Variants in LARGE1 observed in about 807,000 individuals in gnomAD.
LARGE1 encodes the protein xylosyl- and glucuronyltransferase LARGE1.
LARGE1 carries 43 observed loss-of-function variants against 87.6 expected under a neutral mutation model. The observed-to-expected ratio is 0.49, with a 90% CI of 0.38 to 0.63. The LOEUF is 0.63. Ranked by LOEUF, LARGE1 falls within the 30% of genes least tolerant of loss-of-function variation. LARGE1 has a pLI of 0.00. For synonymous variants in LARGE1, 434 were observed against 394.6 expected (o/e 1.10, Z -1.18); for missense variants, 802 against 1,000.2 (o/e 0.80, Z 2.67).
At chr22:33,333,041 CTG>C (rs1199029259) in intron 10 of LARGE1, among the ~76,000 whole-genome samples, 5 of 130,520 alleles carry the variant, frequency 3.8e-5, no homozygotes, top group Non-Finnish European at 7.5e-5. Context: ...GAGTCTCACT[CTG>C]TCACCCAGGC....
At chr22:33,461,950 T>C (rs1398410311) in intron 6 of LARGE1, among the ~76,000 whole-genome samples, 1 of 152,182 alleles carries the variant, frequency 6.6e-6, no homozygotes, top group African/African-American at 2.4e-5. Context: ...TACAGCTGCA[T>C]GAGAGATCCC....
chr22:33,910,161 T>A (rs1411244708), intron 1 of LARGE1, among the ~76,000 whole-genome samples: 1 of 152,156 alleles, frequency 6.6e-6, no homozygotes, highest in Non-Finnish European at 1.5e-5. Context: ...TATGACACAT[T>A]TTTTGCAAGC....
chr22:33,510,986 A>T (rs1312986756), intron 6 of LARGE1, among the ~76,000 whole-genome samples: 1 of 152,152 alleles, frequency 6.6e-6, no homozygotes, highest in Non-Finnish European at 1.5e-5. Flanking sequence ...CATATATACA[A>T]ATGAACCCAA....
chr22:33,264,886 A>ACTCT, intron 11 of LARGE1, among the ~76,000 whole-genome samples: 1 of 98,668 alleles, frequency 1.0e-5, no homozygotes, highest in Non-Finnish European at 2.2e-5. Flanking sequence ...ATCTGATCAA[A>ACTCT]TTCTTTTTTT....
intron 2 of LARGE1, among the ~76,000 whole-genome samples, chr22:33,757,452 G>A (rs2084559911): frequency 6.6e-6 from 1 of 152,102 alleles, no homozygotes; most frequent in Non-Finnish European, 1.5e-5. Flanking sequence ...AAGAAACGAA[G>A]GCCTACCATG....
chr22:33,543,489 A>G (rs2077269410), intron 6 of LARGE1, among the ~76,000 whole-genome samples: 1 of 152,234 alleles, frequency 6.6e-6, no homozygotes, highest in South Asian at 2.1e-4. Flanking sequence ...ATGCTAGGCT[A>G]TGGGGGTAAA....
chr22:33,659,344 G>T (rs2081057240), intron 2 of LARGE1, among the ~76,000 whole-genome samples: 1 of 152,216 alleles, frequency 6.6e-6, no homozygotes, highest in East Asian at 1.9e-4. Flanking sequence ...ATATTTCAAA[G>T]TAAATTAAAT....
At chr22:33,682,997 A>G (rs1357979863) in intron 2 of LARGE1, among the ~76,000 whole-genome samples, 1 of 152,244 alleles carries the variant, frequency 6.6e-6, no homozygotes, top group East Asian at 1.9e-4. Flanking sequence ...GATAATGGGT[A>G]ACATATACTG....
intron 7 of LARGE1, among the ~76,000 whole-genome samples, chr22:33,412,806 A>G (rs2066353942): frequency 1.3e-5 from 2 of 152,146 alleles, no homozygotes; most frequent in South Asian, 4.1e-4. Flanking sequence ...GACTACAGGC[A>G]TGTGACCCCA....
intron 6 of LARGE1, among the ~76,000 whole-genome samples, chr22:33,456,979 G>A (rs532464506): frequency 2.0e-5 from 3 of 152,198 alleles, no homozygotes; most frequent in Admixed American, 6.5e-5. Context: ...ACTTCGCAGA[G>A]AAGGGCAAAG....
At chr22:33,570,014 G>A (rs1426027528) in intron 5 of LARGE1, among the ~76,000 whole-genome samples, 1 of 152,220 alleles carries the variant, frequency 6.6e-6, no homozygotes, top group African/African-American at 2.4e-5. Context: ...TCCAGGGTCA[G>A]GACAGAACAA....
intron 12 of LARGE1, among the ~76,000 whole-genome samples, chr22:33,298,110 A>G (rs752631218): frequency 3.9e-5 from 6 of 152,060 alleles, no homozygotes; most frequent in Non-Finnish European, 7.4e-5. Flanking sequence ...AAATGCCACG[A>G]TGTCTCACGT....
chr22:33,306,325 G>A (rs1211188050), intron 11 of LARGE1, among the ~76,000 whole-genome samples: 1 of 152,086 alleles, frequency 6.6e-6, no homozygotes, highest in African/African-American at 2.4e-5. Flanking sequence ...TTCATGAGAG[G>A]GCCATTTGTA....
chr22:33,186,088 G>T (rs1376845408), intron 11 of LARGE1, among the ~76,000 whole-genome samples: 2 of 152,072 alleles, frequency 1.3e-5, no homozygotes, highest in East Asian at 3.9e-4. Context: ...CACTGTTGAA[G>T]TCTATCAACC....
chr22:33,354,051 A>G (rs1940659236), intron 9 of LARGE1, among the ~76,000 whole-genome samples: 2 of 152,260 alleles, frequency 1.3e-5, no homozygotes, highest in Non-Finnish European at 2.9e-5. Flanking sequence ...AGCAAAGGAC[A>G]TGTAAGAGAT....
rs796448497 is a variant in LARGE1 at position 33,809,042 on chromosome 22, T to C, written c.-82-47484A>G. On this transcript the variant is annotated intron_variant, in intron 1 of 14. Transcript: ENST00000397394. Reference sequence around the variant, plus strand: ...ATCCCAGCACTTTGGGAGGCCAAGGTGGGCGGATCACCCGAGGTCAGGAGT... The same window carrying C: ...ATCCCAGCACTTTGGGAGGCCAAGGCGGGCGGATCACCCGAGGTCAGGAGT... Among the ~76,000 whole-genome samples, 18 of 140,790 alleles carry C rather than the reference T, an allele frequency of 1.3e-4. 1 individual carries two copies. Among genetic ancestry groups the C allele is most frequent in the African/African-American group, 4.8e-4 (18 of 37,614 alleles). The allele number at this position is 140,790 out of a possible 152,430, so 92.4% of individuals were successfully genotyped here. A position where few individuals can be genotyped will look rare whatever the true frequency, so the allele number is the denominator to read the frequency against.
chr22:33,470,627 G>A (rs1013375821), intron 6 of LARGE1, among the ~76,000 whole-genome samples: 5 of 152,106 alleles, frequency 3.3e-5, no homozygotes, highest in African/African-American at 7.2e-5. Context: ...TCACCTCCCC[G>A]GAAGGGCCCC....
At chr22:33,113,930 T>G in the LARGE1 span, among the ~76,000 whole-genome samples, 3 of 151,578 alleles carry the variant, frequency 2.0e-5, no homozygotes, top group Non-Finnish European at 2.9e-5. Flanking sequence ...GAGTGCAGTG[T>G]TGCGATCTTG....
intron 1 of LARGE1, among the ~76,000 whole-genome samples, chr22:33,800,596 T>C (rs563054580): frequency 5.1e-4 from 78 of 152,292 alleles, no homozygotes; most frequent in African/African-American, 1.8e-3. Context: ...TCTTTTCCTA[T>C]GCTCTATAAT....
Sources: gnomAD v4.1 joint callset for allele counts (sites outside exome capture counted in the v4.1 genomes callset) on GRCh38, gnomAD v4.1.1 for gene constraint, MANE v1.5 for transcripts, NCBI Gene and HGNC (gene_info 2026-07-23, HGNC 2026-07-21) for gene names.